Variants in ANKRD7 observed in about 807,000 individuals in gnomAD.
ANKRD7 encodes the protein ankyrin repeat domain-containing protein 7.
ANKRD7 carries 30 observed loss-of-function variants against 30.8 expected under a neutral mutation model. That is an observed-to-expected ratio of 0.97 (90% CI 0.73 to 1.32). The LOEUF is 1.32. ANKRD7 is among the 40% of genes most tolerant of loss of function. ANKRD7 has a pLI of 0.00. For synonymous variants in ANKRD7, 97 were observed against 106.6 expected (o/e 0.91, Z 0.55); for missense variants, 264 against 295.7 (o/e 0.89, Z 0.79).
chr7:118,224,759 G>A lies in ANKRD7; in HGVS notation c.-72G>A. On this transcript the variant is annotated 5_prime_UTR_variant, in exon 1 of 7. Transcript: ENST00000265224. ...GGGCTGCCGGCCGGATGCCAGGGCA[G>A]AGGGGCAGGGCGGACGGCTAGGAGT... 4.6e-6 allele frequency: 7 copies of A among 1,535,098 alleles called. No individual in the cohort carries two copies. The highest frequency in any genetic ancestry group is 1.4e-5 in the African/African-American group (1 of 71,988).
At chr7:118,231,174 CAA>C (rs1809632450) in intron 1 of ANKRD7, among the ~76,000 whole-genome samples, 1 of 152,098 alleles carries the variant, frequency 6.6e-6, no homozygotes, top group East Asian at 1.9e-4. Context: ...GTTTTTTAAA[CAA>C]AGATCTGCAA....
Position 118,235,606 on chromosome 7 carries a change from T to C in ANKRD7, c.469-435T>C, listed in dbSNP as rs1227601214. Among the ~76,000 whole-genome samples, 7 of 133,726 alleles carry C rather than the reference T, an allele frequency of 5.2e-5. No individual in the cohort carries two copies. In the South Asian group the frequency reaches 9.5e-4, roughly 18 times the overall value. 87.7% of individuals were successfully genotyped at this position (133,726 alleles called of 152,430 possible). A position where few individuals can be genotyped will look rare whatever the true frequency, so the allele number is the denominator to read the frequency against. ...CAGCCTGGGCAACAGAGCAAGACTC[T>C]GTCTCAAAAAAAAAAAAAAAAAAAA... is the stretch of plus-strand genomic sequence containing the variant. On this transcript the variant is annotated intron_variant, in intron 3 of 6. Transcript: ENST00000265224.
chr7:118,226,263 C>CT (rs1809539145), intron 1 of ANKRD7, among the ~76,000 whole-genome samples: 1 of 152,198 alleles, frequency 6.6e-6, no homozygotes, highest in African/African-American at 2.4e-5. Flanking sequence ...GGCATTTGAA[C>CT]TCGCTGTTTA....
Position 118,236,774 on chromosome 7 carries a change from C to T in ANKRD7, c.576-16C>T, listed in dbSNP as rs1257630291. ...AAGATCTTTACATGGGCATTCATTTCTATCTCTTGCTCCAGAACAGCCCTT... is the reference window on the plus strand; with the variant it reads ...AAGATCTTTACATGGGCATTCATTTTTATCTCTTGCTCCAGAACAGCCCTT... On this transcript the variant is annotated splice_polypyrimidine_tract_variant and intron_variant, in intron 4 of 6. Transcript: ENST00000265224. The T allele has an allele frequency of 3.1e-6, 5 of 1,606,546 alleles. No homozygotes were observed. The highest frequency in any genetic ancestry group is 2.7e-5 in the African/African-American group (2 of 74,496).
intron 5 of ANKRD7, among the ~76,000 whole-genome samples, chr7:118,238,252 C>T (rs1809768092): frequency 6.6e-6 from 1 of 151,778 alleles, no homozygotes; most frequent in Non-Finnish European, 1.5e-5. Context: ...TTTTTGTCCT[C>T]TTAATAGATT....
Position 118,235,990 on chromosome 7 carries a change from A to C in ANKRD7, c.469-51A>C, listed in dbSNP as rs142041983. 1.3e-3 allele frequency: 1,233 copies of C among 964,328 alleles called. 9 individuals carry two copies. The African/African-American group carries it at 0.017, about 13-fold the overall frequency. The allele number at this position is 964,328 out of a possible 1,614,324, so 59.7% of individuals were successfully genotyped here. ...TTTTAAGTTGAACTTAAATCTAAAG[A>C]GCATGAAAATTTGCTACAATATTTT... On this transcript the variant is annotated intron_variant, in intron 3 of 6. Coordinates refer to ENST00000265224, the MANE Select transcript of ANKRD7 (RefSeq NM_019644.4).
rs201254477 is a variant in ANKRD7 at position 118,224,895 on chromosome 7, G to T, written c.65G>T (p.Arg22Leu). 6.2e-7 allele frequency: 1 copy of T among 1,614,054 alleles called. No homozygotes were observed. Among genetic ancestry groups the T allele is most frequent in the Admixed American group, 1.7e-5 (1 of 60,006 alleles). The part of the protein sequence containing the change: ...NETRSQGYNL[R>L]EKDLKKLHRA... ...ACCCGCAGCCAGGGCTACAACCTTC[G>T]AGAAAAGGATTTAAAGAAACTTCAC... The change falls in exon 1 of 7, where the codon CGA (arginine) becomes CTA (leucine). Residue 22 changes from arginine to leucine, a missense_variant. Transcript: ENST00000265224.
At chr7:118,241,321 A>G (rs1809838990) in intron 6 of ANKRD7, among the ~76,000 whole-genome samples, 1 of 151,660 alleles carries the variant, frequency 6.6e-6, no homozygotes, top group Non-Finnish European at 1.5e-5. Context: ...CTCCACTACA[A>G]TTCACCCCCA....
Position 118,234,509 on chromosome 7 carries a change from T to C in ANKRD7, c.258T>C (p.Asn86=), listed in dbSNP as rs1165899809. The C allele has an allele frequency of 2.5e-6, 4 of 1,612,664 alleles. No homozygotes were observed. The highest frequency in any genetic ancestry group is 1.7e-5 in the Admixed American group (1 of 59,824). Residue 86 remains asparagine, a synonymous_variant, in exon 2 of 7, where the codon AAT becomes AAC. Coordinates refer to ENST00000265224, the MANE Select transcript of ANKRD7 (RefSeq NM_019644.4). ...TAATTGAGCAACAATGCAAAATAAATGTCCGGGATAGTGAAAACAAATCCC... is the reference window on the plus strand; with the variant it reads ...TAATTGAGCAACAATGCAAAATAAACGTCCGGGATAGTGAAAACAAATCCC... ...LFLIEQQCKI[N]VRDSENKSPL...
At chr7:118,241,119 A>T (rs1018646167) in intron 6 of ANKRD7, among the ~76,000 whole-genome samples, 1 of 139,968 alleles carries the variant, frequency 7.1e-6, no homozygotes, top group African/African-American at 2.6e-5. Context: ...GCGCCACTGC[A>T]GTCCGCAGTC....
At chr7:118,235,611 CAAAAAAAA>C (rs776419798) in intron 3 of ANKRD7, among the ~76,000 whole-genome samples, 2 of 48,334 alleles carry the variant, frequency 4.1e-5, no homozygotes, top group East Asian at 1.0e-3. Context: ...GACTCTGTCT[CAAAAAAAA>C]AAAAAAAAAA....
At chr7:118,231,734 G>A (rs1809641971) in intron 1 of ANKRD7, among the ~76,000 whole-genome samples, 1 of 151,970 alleles carries the variant, frequency 6.6e-6, no homozygotes, top group African/African-American at 2.4e-5. Context: ...GAAATTTCTG[G>A]TATCTGATCA....
chr7:118,237,821 C>T (rs763432388), intron 5 of ANKRD7, among the ~76,000 whole-genome samples: 38 of 151,942 alleles, frequency 2.5e-4, no homozygotes, highest in Non-Finnish European at 5.2e-4. Context: ...TAATACAGAA[C>T]GTGTACTTTG....
chr7:118,241,207 CTG>C lies in ANKRD7; in HGVS notation c.*38-1140_*38-1139del, dbSNP rs775165308. 3.9e-4 allele frequency among the ~76,000 whole-genome samples: 57 copies of C among 145,432 alleles called. 1 individual carries two copies. In the South Asian group the frequency reaches 4.9e-3, roughly 13 times the overall value. On this transcript the variant is annotated intron_variant, in intron 6 of 6. Coordinates refer to ENST00000265224, the MANE Select transcript of ANKRD7 (RefSeq NM_019644.4). ...AAAAAGAATATATAGTTATTTAGGTCTGTAAAAATTAGCTTTTATTGACAAGT... is the reference window on the plus strand; with the variant it reads ...AAAAAGAATATATAGTTATTTAGGTCTAAAAATTAGCTTTTATTGACAAGT...
At chr7:118,237,885 G>T (rs1809757348) in intron 5 of ANKRD7, among the ~76,000 whole-genome samples, 1 of 152,064 alleles carries the variant, frequency 6.6e-6, no homozygotes, top group Non-Finnish European at 1.5e-5. Context: ...AAATAAACAT[G>T]TAAATTATTG....
At chr7:118,236,210 ATGTGTGTGTG>A (rs3993811) in intron 4 of ANKRD7, 63 bp downstream of exon 4, 80 of 605,892 alleles carry the variant, frequency 1.3e-4, no homozygotes, top group Admixed American at 6.5e-4. Context: ...GTGTGTGCGT[ATGTGTGTGTG>A]TGTGTGTGTG....
chr7:118,227,794 G>A (rs1211809535), intron 1 of ANKRD7: 6 of 1,004,100 alleles, frequency 6.0e-6, no homozygotes, highest in Non-Finnish European at 7.8e-6. Flanking sequence ...AATATTTTTG[G>A]GAGTTTTCAA....
chr7:118,236,389 GTTA>G (rs1420908815), intron 4 of ANKRD7, among the ~76,000 whole-genome samples: 1 of 151,900 alleles, frequency 6.6e-6, no homozygotes, highest in Admixed American at 6.6e-5. Context: ...GTATTAACTG[GTTA>G]TTATTATTAT....
At chr7:118,236,214 G>GTGTGTGTGTA in intron 4 of ANKRD7, 67 bp downstream of exon 4, 1 of 637,160 alleles carries the variant, frequency 1.6e-6, no homozygotes, top group African/African-American at 1.9e-5. Context: ...GTGCGTATGT[G>GTGTGTGTGTA]TGTGTGTGTG....
Sources: allele counts gnomAD v4.1 joint callset (sites outside exome capture counted in the v4.1 genomes callset), GRCh38; gene constraint gnomAD v4.1.1; transcripts MANE v1.5; gene names NCBI Gene and HGNC (gene_info 2026-07-23, HGNC 2026-07-21).